The following HDAC9 variants were observed in gnomAD, a reference collection of about 807,000 sequenced individuals.
HDAC9 encodes MEF-2 interacting transcription repressor (MITR) protein.
A neutral mutation model predicts 139.4 loss-of-function variants in HDAC9; 41 were observed. The ratio of observed to expected loss-of-function variants is 0.29; its 90% confidence interval spans 0.23 to 0.38. The LOEUF (loss-of-function observed/expected upper bound fraction) is 0.38, where lower values mean the gene tolerates loss of function less well. Ranked by LOEUF, HDAC9 falls within the 10% of genes least tolerant of loss-of-function variation. The probability of loss-of-function intolerance (pLI) is 1.00; values close to 1 mark genes in which losing one functional copy is unlikely to be tolerated. For synonymous variants in HDAC9, 517 were observed against 476.2 expected, an observed-to-expected ratio of 1.09 and a Z score of -1.12; for missense variants, 1,147 against 1,297.0, an observed-to-expected ratio of 0.88 and a Z score of 1.78.
At chr7:18,312,394 C>T (rs762404349) in intron 1 of HDAC9, among the ~76,000 whole-genome samples, 1 of 152,068 alleles carries the variant, frequency 6.6e-6, no homozygotes, top group Admixed American at 6.6e-5. Context: ...AATATTACTA[C>T]ACATTTTCTG....
chr7:18,382,606 C>T (rs1785538323), intron 1 of HDAC9, among the ~76,000 whole-genome samples: 1 of 152,064 alleles, frequency 6.6e-6, no homozygotes, highest in South Asian at 2.1e-4. Context: ...AATAAGGAAA[C>T]AAATGAACAA....
At chr7:18,418,457 A>G (rs1332386382) in intron 1 of HDAC9, among the ~76,000 whole-genome samples, 1 of 151,612 alleles carries the variant, frequency 6.6e-6, no homozygotes, top group Non-Finnish European at 1.5e-5. Flanking sequence ...AGCTACACGA[A>G]CACTTAAAGT....
At chr7:18,885,164 A>C (rs960496400) in intron 22 of HDAC9, among the ~76,000 whole-genome samples, 3 of 152,344 alleles carry the variant, frequency 2.0e-5, no homozygotes, top group East Asian at 3.9e-4. Context: ...CGTAAGGGTG[A>C]AAGCACAGCC....
intron 1 of HDAC9, among the ~76,000 whole-genome samples, chr7:18,145,166 T>C (rs928705321): frequency 6.6e-6 from 1 of 152,240 alleles, no homozygotes; most frequent in African/African-American, 2.4e-5. Context: ...CAACAATTGA[T>C]ATGGACTATA....
intron 2 of HDAC9, among the ~76,000 whole-genome samples, chr7:18,262,763 A>G (rs901399528): frequency 6.6e-6 from 1 of 152,174 alleles, no homozygotes; most frequent in Non-Finnish European, 1.5e-5. Context: ...GCAAGATTTT[A>G]TATACTATTG....
intron 21 of HDAC9, among the ~76,000 whole-genome samples, chr7:18,842,181 T>A (rs544873857): frequency 6.6e-6 from 1 of 152,244 alleles, no homozygotes; most frequent in South Asian, 2.1e-4. Context: ...CAATTGTTAG[T>A]GACAAGTAAA....
At chr7:18,783,781 T>C (rs1191442109) in intron 16 of HDAC9, among the ~76,000 whole-genome samples, 1 of 151,734 alleles carries the variant, frequency 6.6e-6, no homozygotes, top group Non-Finnish European at 1.5e-5. Flanking sequence ...AACACATACA[T>C]AGATTTCTCT....
At chr7:18,376,346 A>T (rs918667672) in intron 1 of HDAC9, among the ~76,000 whole-genome samples, 11 of 152,228 alleles carry the variant, frequency 7.2e-5, no homozygotes, top group Non-Finnish European at 1.5e-5. Flanking sequence ...TTTCCAGGAC[A>T]TAAATATTAT....
At chr7:18,699,405 C>G (rs569850465) in intron 12 of HDAC9, among the ~76,000 whole-genome samples, 2 of 151,340 alleles carry the variant, frequency 1.3e-5, no homozygotes, top group African/African-American at 4.9e-5. Context: ...TGTGTGTGTA[C>G]GTGTGTGTCG....
At chr7:18,189,332 G>T (rs1237930953) in intron 2 of HDAC9, among the ~76,000 whole-genome samples, 1 of 151,858 alleles carries the variant, frequency 6.6e-6, no homozygotes. Context: ...ACACACTCCA[G>T]GGCCTGTTGA....
intron 17 of HDAC9, 77 bp downstream of exon 17, chr7:18,793,529 G>A (rs939433314): frequency 3.7e-5 from 35 of 948,926 alleles, no homozygotes; most frequent in East Asian, 3.7e-4. Context: ...TGGGAATTGC[G>A]GGGAGTGTGG....
chr7:18,396,191 G>A (rs1787040903), intron 1 of HDAC9, among the ~76,000 whole-genome samples: 1 of 142,520 alleles, frequency 7.0e-6, no homozygotes, highest in Non-Finnish European at 1.5e-5. Flanking sequence ...TATTTACCGA[G>A]GGACATTGTG....
chr7:18,092,770 G>C (rs1380659899), intron 1 of HDAC9, among the ~76,000 whole-genome samples: 1 of 152,186 alleles, frequency 6.6e-6, no homozygotes, highest in Admixed American at 6.5e-5. Flanking sequence ...CTTCTTGGAA[G>C]AGAAAACTCT....
intron 1 of HDAC9, among the ~76,000 whole-genome samples, chr7:18,315,494 C>A (rs988010544): frequency 1.3e-5 from 2 of 152,192 alleles, no homozygotes; most frequent in Non-Finnish European, 2.9e-5. Context: ...CATTTCACTG[C>A]ATATTAGTTA....
intron 2 of HDAC9, among the ~76,000 whole-genome samples, chr7:18,512,631 G>A (rs1369037241): frequency 6.6e-6 from 1 of 152,172 alleles, no homozygotes; most frequent in African/African-American, 2.4e-5. Context: ...GATACACTAA[G>A]TGATGTATAA....
At chr7:18,910,842 T>A (rs1293732880) in intron 22 of HDAC9, among the ~76,000 whole-genome samples, 1 of 151,950 alleles carries the variant, frequency 6.6e-6, no homozygotes. Flanking sequence ...TTTGTATTCA[T>A]TTTGCTAGTA....
In HDAC9 at chr7:18,175,771, C is replaced by T. The variant is rs10276769; in HGVS notation, c.25+13422C>T. On this transcript the variant is annotated intron_variant, in intron 2 of 12. Transcript: ENST00000417496. ...GTAATCTGTAAAATTATTTTTAACC[C>T]CCCCCCCCCTTTTTTTAGAATAACT... Among the ~76,000 whole-genome samples the T allele has an allele frequency of 3.6e-3, 304 of 84,408 alleles. 6 individuals carry two copies. Among genetic ancestry groups the T allele is most frequent in the African/African-American group, 0.012 (288 of 24,508 alleles). 55.4% of individuals were successfully genotyped at this position (84,408 alleles called of 152,430 possible).
intron 6 of HDAC9, among the ~76,000 whole-genome samples, chr7:18,623,749 C>A (rs1840861277): frequency 6.6e-6 from 1 of 152,184 alleles, no homozygotes; most frequent in Non-Finnish European, 1.5e-5. Context: ...CCAGACCACC[C>A]TTGCCAACAT....
At chr7:18,219,997 G>A (rs999388947) in intron 2 of HDAC9, among the ~76,000 whole-genome samples, 2 of 152,114 alleles carry the variant, frequency 1.3e-5, no homozygotes, top group Non-Finnish European at 1.5e-5. Context: ...TGCCAGATTT[G>A]CCAGATTATT....
Sources: gnomAD v4.1 joint callset for allele counts (sites outside exome capture counted in the v4.1 genomes callset) on GRCh38, gnomAD v4.1.1 for gene constraint, MANE v1.5 for transcripts, NCBI Gene and HGNC (gene_info 2026-07-23, HGNC 2026-07-21) for gene names.